GRM4: variants seen among roughly 807,000 people sequenced by gnomAD.
GRM4 encodes the protein metabotropic glutamate receptor 4.
A neutral mutation model predicts 81.7 loss-of-function variants in GRM4; 28 were observed. That is an observed-to-expected ratio of 0.34 (90% confidence interval 0.25 to 0.47). GRM4 has a LOEUF of 0.47. Among genes scored for constraint, GRM4 ranks in the 20% least tolerant of loss-of-function variants. The pLI is 1.00. For missense variants in GRM4, 948 were observed against 1,290.0 expected (o/e 0.73, Z 4.06); for synonymous variants, 488 against 528.8 (o/e 0.92, Z 1.06).
intron 1 of GRM4, among the ~76,000 whole-genome samples, chr6:34,154,714 G>A (rs1017919293): frequency 6.6e-6 from 1 of 152,200 alleles, no homozygotes; most frequent in Non-Finnish European, 1.5e-5. Flanking sequence ...GGGGGAGTCG[G>A]CACCCCGGCC....
intron 1 of GRM4, among the ~76,000 whole-genome samples, chr6:34,140,420 G>A (rs1472140462): frequency 3.3e-5 from 5 of 152,068 alleles, no homozygotes; most frequent in African/African-American, 1.2e-4. Flanking sequence ...GCCACAGAAG[G>A]GTTTGAGCAC....
rs1032693649 is a variant in GRM4, at chr6:34,042,918, G to A, written c.1169-2170C>T. On this transcript the variant is annotated intron_variant, in intron 6 of 10. Transcript: ENST00000538487. This position sits in a 1 kb window ranked among gnomAD's most constrained non-coding sequence, Gnocchi z 4.2. ...GGGATGGGGGATAGCTGGCCTGGTC[G>A]CTCATTAACCCTGCCAGCCAGAACC... 1.3e-5 allele frequency among the ~76,000 whole-genome samples: 2 copies of A among 152,162 alleles called. No individual in the cohort carries two copies. Among genetic ancestry groups the A allele is most frequent in the East Asian group, 1.9e-4 (1 of 5,200 alleles).
chr6:34,071,864 ACAT>A (rs1169743123), intron 3 of GRM4, among the ~76,000 whole-genome samples: 1 of 151,082 alleles, frequency 6.6e-6, no homozygotes, highest in Non-Finnish European at 1.5e-5. Context: ...ACACAACCAT[ACAT>A]CAACACACAG....
intron 9 of GRM4, 51 bp from the exon 10 acceptor site, chr6:34,028,417 C>G (rs1357363482): frequency 6.4e-7 from 1 of 1,570,832 alleles, no homozygotes; most frequent in African/African-American, 1.4e-5. Flanking sequence ...GACTGAGGGC[C>G]CTGACTCCCG....
At chr6:34,110,950 C>CAGCGTTCCCCTGGA in intron 2 of GRM4, 1 of 863,962 alleles carries the variant, frequency 1.2e-6, no homozygotes, top group Non-Finnish European at 1.5e-6. Context: ...TCCAGGGGAA[C>CAGCGTTCCCCTGGA]GCTGTGCCCC....
chr6:34,051,886 C>A (rs1765630788), intron 6 of GRM4, among the ~76,000 whole-genome samples: 1 of 152,176 alleles, frequency 6.6e-6, no homozygotes, highest in South Asian at 2.1e-4. Context: ...GAAATCGAGG[C>A]CCCCAGAGGT....
intron 9 of GRM4, among the ~76,000 whole-genome samples, chr6:34,033,534 C>G (rs989413899): frequency 6.6e-6 from 1 of 152,132 alleles, no homozygotes; most frequent in African/African-American, 2.4e-5. Context: ...ACCTCACCAG[C>G]TGCCATGGGG....
intron 10 of GRM4, among the ~76,000 whole-genome samples, 161 bp from the exon 11 acceptor site, chr6:34,023,031 G>A (rs1389943744): frequency 3.9e-5 from 6 of 152,196 alleles, no homozygotes; most frequent in Non-Finnish European, 5.9e-5. Context: ...AAACTGCACC[G>A]GCCCCGCCTG....
At chr6:34,071,331 T>TCAC (rs199838925) in intron 3 of GRM4, among the ~76,000 whole-genome samples, 4 of 39,860 alleles carry the variant, frequency 1.0e-4, no homozygotes, top group African/African-American at 4.4e-4. Context: ...CACACACACA[T>TCAC]CACACAGATA....
chr6:34,033,269 G>A (rs1764522305), intron 9 of GRM4, among the ~76,000 whole-genome samples: 1 of 152,210 alleles, frequency 6.6e-6, no homozygotes, highest in African/African-American at 2.4e-5. Flanking sequence ...CAGCCCCAAG[G>A]TCTGCCTCTT....
intron 4 of GRM4, chr6:34,060,316 C>T (rs944818741): frequency 2.6e-5 from 4 of 152,234 alleles, no homozygotes; most frequent in African/African-American, 9.7e-5. Flanking sequence ...TATTAATACC[C>T]GTCTGCATCC....
chr6:34,120,236 C>G (rs1224549988), intron 2 of GRM4, among the ~76,000 whole-genome samples: 2 of 147,236 alleles, frequency 1.4e-5, no homozygotes, highest in Non-Finnish European at 3.0e-5. Flanking sequence ...GACCCTCAGG[C>G]ACCCCTCTCC....
rs986112971 is a variant in GRM4 at position 34,137,833 on chromosome 6, C to T, written c.-363-3974G>A. Reference sequence around the variant, plus strand: ...CTGGTCTCGAACTCCTGAGCTCAAGCGATCCTCCAGCCTCAGCCTCCCAAA... The same window carrying T: ...CTGGTCTCGAACTCCTGAGCTCAAGTGATCCTCCAGCCTCAGCCTCCCAAA... On this transcript the variant is annotated intron_variant, in intron 1 of 10. Coordinates refer to ENST00000538487, the MANE Select transcript of GRM4 (RefSeq NM_000841.4). 6.0e-5 allele frequency among the ~76,000 whole-genome samples: 9 copies of T among 148,766 alleles called. No homozygotes were observed. In the East Asian group the frequency reaches 1.8e-3, roughly 29 times the overall value.
intron 2 of GRM4, among the ~76,000 whole-genome samples, chr6:34,131,621 C>T (rs1581728607): frequency 6.6e-6 from 1 of 152,208 alleles, no homozygotes; most frequent in Admixed American, 6.5e-5. Flanking sequence ...TTCCTCACCC[C>T]CACCCCAACA....
intron 3 of GRM4, among the ~76,000 whole-genome samples, chr6:34,084,143 G>A (rs1016977798): frequency 1.3e-5 from 2 of 152,218 alleles, no homozygotes; most frequent in South Asian, 2.1e-4. Context: ...CATGGAGGGC[G>A]AGGATGCAGC....
At chr6:34,028,745 C>T (rs117550569) in intron 9 of GRM4, among the ~76,000 whole-genome samples, 14 of 152,166 alleles carry the variant, frequency 9.2e-5, no homozygotes, top group Non-Finnish European at 1.5e-4. Flanking sequence ...ATGTGGAGGA[C>T]GTGCGCCTGA....
At chr6:34,071,857 CAA>C (rs1766894343) in intron 3 of GRM4, among the ~76,000 whole-genome samples, 1 of 1,352 alleles carries the variant, frequency 7.4e-4, no homozygotes, top group African/African-American at 2.5e-3. Flanking sequence ...ACCACACACA[CAA>C]CCATACATCA....
chr6:34,123,586 A>G (rs1769902580), intron 2 of GRM4, among the ~76,000 whole-genome samples: 1 of 152,154 alleles, frequency 6.6e-6, no homozygotes, highest in Non-Finnish European at 1.5e-5. Flanking sequence ...CAACTGCCAC[A>G]TGCCGCCTCC....
intron 6 of GRM4, 173 bp downstream of exon 6, chr6:34,056,371 T>C: frequency 2.9e-5 from 15 of 519,048 alleles, no homozygotes; most frequent in South Asian, 4.1e-5. Context: ...GCCCCGCCCC[T>C]CAAGGCCCCG....
Sources: allele counts gnomAD v4.1 joint callset (sites outside exome capture counted in the v4.1 genomes callset), GRCh38; gene constraint gnomAD v4.1.1; non-coding constraint Gnocchi (gnomAD v3.1); transcripts MANE v1.5; gene names NCBI Gene and HGNC (gene_info 2026-07-23, HGNC 2026-07-21).